AFF3: variants seen among roughly 807,000 people sequenced by gnomAD.
AFF3 encodes ALF transcription elongation factor 3, also known as AF4/FMR2 family member 3.
A neutral mutation model predicts 129.7 loss-of-function variants in AFF3; 32 were observed. The ratio of observed to expected loss-of-function variants is 0.25; its 90% CI spans 0.19 to 0.33. The LOEUF (loss-of-function observed/expected upper bound fraction) is 0.33, where lower values mean the gene tolerates loss of function less well. Ranked by LOEUF, AFF3 falls within the 10% of genes least tolerant of loss-of-function variation. The probability of loss-of-function intolerance (pLI) is 1.00; values close to 1 mark genes in which losing one functional copy is unlikely to be tolerated. For missense variants in AFF3, 1,373 were observed against 1,592.0 expected, an observed-to-expected ratio of 0.86 and a Z score of 2.34; for synonymous variants, 644 against 635.4, an observed-to-expected ratio of 1.01 and a Z score of -0.20.
At chr2:99,737,267 C>T (rs368857540) in intron 10 of AFF3, among the ~76,000 whole-genome samples, 11 of 152,180 alleles carry the variant, frequency 7.2e-5, no homozygotes, top group African/African-American at 2.7e-4. Flanking sequence ...TATATTATTA[C>T]TGGTGCATGC....
chr2:99,642,561 T>C (rs976947271), intron 13 of AFF3, among the ~76,000 whole-genome samples: 1 of 152,240 alleles, frequency 6.6e-6, no homozygotes, highest in Non-Finnish European at 1.5e-5. Flanking sequence ...GTCTAGCTCA[T>C]CCATTCATTT....
At chr2:99,908,366 T>C (rs545400090) in intron 7 of AFF3, among the ~76,000 whole-genome samples, 105 of 151,980 alleles carry the variant, frequency 6.9e-4, no homozygotes, top group African/African-American at 2.5e-3. Context: ...CCTAAAACCA[T>C]AAAAGCGCTA....
At chr2:99,728,691 G>A (rs538687980) in intron 10 of AFF3, among the ~76,000 whole-genome samples, 7 of 152,106 alleles carry the variant, frequency 4.6e-5, no homozygotes, top group African/African-American at 1.7e-4. Context: ...TCAGATGAGG[G>A]GGAAAAACAA....
chr2:100,031,909 G>A (rs1180198939), intron 4 of AFF3, among the ~76,000 whole-genome samples: 3 of 152,196 alleles, frequency 2.0e-5, no homozygotes, highest in Non-Finnish European at 4.4e-5. Context: ...GAAGCATAGC[G>A]CTGCACTCTT....
chr2:100,055,250 G>C (rs1686668190), intron 4 of AFF3, among the ~76,000 whole-genome samples: 1 of 151,868 alleles, frequency 6.6e-6, no homozygotes, highest in Non-Finnish European at 1.5e-5. Flanking sequence ...TTACCTTAGG[G>C]CCAGAATTTT....
intron 7 of AFF3, among the ~76,000 whole-genome samples, chr2:99,978,218 A>T (rs1374057467): frequency 6.6e-6 from 1 of 152,162 alleles, no homozygotes; most frequent in Non-Finnish European, 1.5e-5. Flanking sequence ...ATAAGTTAAG[A>T]CTGCTCACAG....
chr2:100,080,973 C>T (rs1231050689), intron 4 of AFF3, among the ~76,000 whole-genome samples: 1 of 152,086 alleles, frequency 6.6e-6, no homozygotes, highest in African/African-American at 2.4e-5. Flanking sequence ...GGTTCAGAAA[C>T]CAGCAATGCA....
chr2:99,709,663 T>C (rs1020164710), intron 11 of AFF3, among the ~76,000 whole-genome samples: 5 of 152,224 alleles, frequency 3.3e-5, no homozygotes, highest in Admixed American at 6.5e-5. Context: ...GAAATTAGCA[T>C]GATACTACTG....
At chr2:99,815,400 G>A (rs1238722491) in intron 8 of AFF3, among the ~76,000 whole-genome samples, 1 of 152,202 alleles carries the variant, frequency 6.6e-6, no homozygotes, top group Non-Finnish European at 1.5e-5. Context: ...TAAACAATAT[G>A]TAATGATTGC....
intron 17 of AFF3, chr2:99,580,763 T>G (rs1458517346): frequency 1.2e-5 from 2 of 161,654 alleles, no homozygotes; most frequent in Non-Finnish European, 2.7e-5. Flanking sequence ...CTGGGCGTGG[T>G]GGCCGGCGCC....
chr2:99,745,134 G>T (rs1168087153), intron 9 of AFF3, among the ~76,000 whole-genome samples: 2 of 152,282 alleles, frequency 1.3e-5, no homozygotes, highest in East Asian at 3.9e-4. Flanking sequence ...AACTAATGAT[G>T]TTGAGCATCT....
At chr2:99,843,168 C>T (rs1359077011) in intron 7 of AFF3, among the ~76,000 whole-genome samples, 1 of 152,230 alleles carries the variant, frequency 6.6e-6, no homozygotes, top group Admixed American at 6.5e-5. Flanking sequence ...AATCTGAGCT[C>T]AGATGCAGGG....
chr2:99,569,277 T>C (rs1676265104), intron 18 of AFF3, among the ~76,000 whole-genome samples: 1 of 152,344 alleles, frequency 6.6e-6, no homozygotes, highest in African/African-American at 2.4e-5. Context: ...AATGTAAAGA[T>C]TGTAAATATA....
intron 2 of AFF3, among the ~76,000 whole-genome samples, chr2:100,113,672 T>A (rs965913805): frequency 1.3e-5 from 2 of 152,206 alleles, no homozygotes; most frequent in African/African-American, 4.8e-5. Context: ...AAGTGGATGA[T>A]GACCAAGGCA....
intron 11 of AFF3, among the ~76,000 whole-genome samples, chr2:99,705,823 G>A (rs1341877053): frequency 2.9e-5 from 4 of 138,466 alleles, no homozygotes; most frequent in African/African-American, 8.1e-5. Context: ...GCAGTGAGCC[G>A]AGATCGTGTC....
At chr2:100,126,878 A>G (rs1692215458) in intron 2 of AFF3, among the ~76,000 whole-genome samples, 1 of 152,242 alleles carries the variant, frequency 6.6e-6, no homozygotes, top group East Asian at 1.9e-4. Flanking sequence ...TTTCAAAATG[A>G]AAAGGTGGAG....
At chr2:100,104,078 C>T (rs1690998988) in intron 4 of AFF3, among the ~76,000 whole-genome samples, 1 of 152,038 alleles carries the variant, frequency 6.6e-6, no homozygotes, top group African/African-American at 2.4e-5. Context: ...GGGTGGATCC[C>T]CAGGCATTAG....
At chr2:99,599,288 T>G (rs554757398) in intron 14 of AFF3, among the ~76,000 whole-genome samples, 15 of 152,376 alleles carry the variant, frequency 9.8e-5, no homozygotes, top group Non-Finnish European at 1.6e-4. Context: ...AGACGGAGTC[T>G]CGCTCTGTCA....
At chr2:99,608,140 A>G (rs1475997620) in intron 13 of AFF3, among the ~76,000 whole-genome samples, 1 of 152,198 alleles carries the variant, frequency 6.6e-6, no homozygotes, top group Non-Finnish European at 1.5e-5. Context: ...AACCTTGGCA[A>G]TAATACATTT....
Sources: gnomAD v4.1 joint callset for allele counts (sites outside exome capture counted in the v4.1 genomes callset) on GRCh38, gnomAD v4.1.1 for gene constraint, MANE v1.5 for transcripts, NCBI Gene and HGNC (gene_info 2026-07-23, HGNC 2026-07-21) for gene names.